The following TASP1 variants were observed in gnomAD, a reference collection of about 807,000 sequenced individuals.
The protein encoded by TASP1 is taspase 1.
TASP1 carries 16 observed loss-of-function variants against 56.6 expected under a neutral mutation model. The observed-to-expected ratio is 0.28, with a 90% CI of 0.19 to 0.43. TASP1 has a LOEUF of 0.43. TASP1 is among the 20% of genes least tolerant of loss of function. The pLI is 1.00. For synonymous variants in TASP1, 179 were observed against 184.2 expected (o/e 0.97, Z 0.23); for missense variants, 393 against 511.6 (o/e 0.77, Z 2.24).
the TASP1 span, among the ~76,000 whole-genome samples, chr20:13,315,599 T>C: frequency 6.6e-6 from 1 of 151,994 alleles, no homozygotes; most frequent in African/African-American, 2.4e-5. Context: ...CAGATTTCAA[T>C]ACCCCAACAT....
At chr20:13,134,044 G>C in the TASP1 span, among the ~76,000 whole-genome samples, 1 of 152,176 alleles carries the variant, frequency 6.6e-6, no homozygotes, top group Non-Finnish European at 1.5e-5. Context: ...ACACATTCAG[G>C]TGTGTCTGCC....
chr20:13,474,001 G>A (rs1435770816), intron 11 of TASP1, among the ~76,000 whole-genome samples: 3 of 152,176 alleles, frequency 2.0e-5, no homozygotes, highest in African/African-American at 4.8e-5. Flanking sequence ...TAGAGCCCAG[G>A]GGGGTTGTAA....
At chr20:13,527,248 C>T (rs759203117) in intron 10 of TASP1, among the ~76,000 whole-genome samples, 92 of 152,028 alleles carry the variant, frequency 6.1e-4, no homozygotes, top group Non-Finnish European at 1.2e-3. Flanking sequence ...CATCAGAGAT[C>T]GCAGAAAGAG....
At position 13,390,317 on chromosome 20, in the gene TASP1, G is replaced by A. The variant is rs1200229907; in HGVS notation, c.*43C>T. 1 of 1,567,346 alleles carries A rather than the reference G, an allele frequency of 6.4e-7. No individual in the cohort carries two copies. The highest frequency in any genetic ancestry group is 1.7e-5 in the Admixed American group (1 of 58,868). ...CAGTTAAAAACCCCCAAAAGCTCAGGTTCTGAAATGCCTCTGAGACGCTTC... is the reference window on the plus strand; with the variant it reads ...CAGTTAAAAACCCCCAAAAGCTCAGATTCTGAAATGCCTCTGAGACGCTTC... On this transcript the variant is annotated 3_prime_UTR_variant, in exon 14 of 14. Transcript: ENST00000337743.
the TASP1 span, among the ~76,000 whole-genome samples, chr20:13,347,664 C>A: frequency 6.6e-6 from 1 of 152,106 alleles, no homozygotes; most frequent in Non-Finnish European, 1.5e-5. Context: ...CAGGGTGAAA[C>A]CCCGTCTCTA....
the TASP1 span, chr20:13,299,371 C>T: frequency 5.0e-6 from 8 of 1,613,738 alleles, no homozygotes; most frequent in Non-Finnish European, 6.8e-6. The surrounding 1 kb of genome is among the most constrained non-coding windows in gnomAD (Gnocchi z 5.8). Context: ...TATAACGAGG[C>T]CCGGCCTCCC....
chr20:13,106,680 C>T, the TASP1 span, among the ~76,000 whole-genome samples: 2 of 152,182 alleles, frequency 1.3e-5, no homozygotes, highest in Non-Finnish European at 2.9e-5. Flanking sequence ...AAGTATTTCT[C>T]ACTGGAGGCT....
At chr20:13,623,015 C>A (rs906043708) in intron 4 of TASP1, among the ~76,000 whole-genome samples, 7 of 152,154 alleles carry the variant, frequency 4.6e-5, no homozygotes, top group African/African-American at 1.7e-4. Flanking sequence ...GCACACTTCA[C>A]AGCACACAAT....
chr20:13,200,461 T>C, the TASP1 span, among the ~76,000 whole-genome samples: 2 of 152,288 alleles, frequency 1.3e-5, no homozygotes, highest in African/African-American at 4.8e-5. Flanking sequence ...AAACCATCAC[T>C]GTAAACCTCC....
At chr20:13,164,589 T>G in the TASP1 span, 1 of 622,592 alleles carries the variant, frequency 1.6e-6, no homozygotes, top group South Asian at 2.0e-5. Context: ...TCTAGGGTCT[T>G]AAACCACAAC....
At chr20:13,172,245 T>A in the TASP1 span, among the ~76,000 whole-genome samples, 1 of 152,040 alleles carries the variant, frequency 6.6e-6, no homozygotes, top group African/African-American at 2.4e-5. Flanking sequence ...CTTCATAAAA[T>A]TTTTACTATC....
At position 13,533,955 on chromosome 20, in the gene TASP1, A is replaced by C. The variant is rs980818183; in HGVS notation, c.795+67T>G. The stretch of plus-strand genomic sequence containing the variant: ...AGAAAAAATGTTCCCACTGGTTAAA[A>C]AATTGTGAGCTAAAAATTCCATGCT... On this transcript the variant is annotated intron_variant, in intron 9 of 13. Coordinates refer to ENST00000337743, the MANE Select transcript of TASP1 (RefSeq NM_017714.3). 1.2e-5 allele frequency: 19 copies of C among 1,537,518 alleles called. No homozygotes were observed. The African/African-American group carries it at 2.6e-4, about 21-fold the overall frequency.
intron 12 of TASP1, among the ~76,000 whole-genome samples, chr20:13,419,526 G>A (rs552247505): frequency 7.2e-5 from 11 of 152,270 alleles, no homozygotes; most frequent in African/African-American, 9.6e-5. Flanking sequence ...CTGAGTTTTC[G>A]AAGGCATTTT....
At chr20:13,619,409 T>G (rs1277661844) in intron 4 of TASP1, among the ~76,000 whole-genome samples, 1 of 152,182 alleles carries the variant, frequency 6.6e-6, no homozygotes, top group East Asian at 1.9e-4. Context: ...AAACCAGGTC[T>G]TCATACTTTA....
intron 4 of TASP1, among the ~76,000 whole-genome samples, chr20:13,611,830 T>G (rs182753968): frequency 7.2e-4 from 109 of 152,322 alleles, no homozygotes; most frequent in African/African-American, 2.3e-3. Flanking sequence ...CAAGATAATT[T>G]AGAAGTCCAG....
intron 7 of TASP1, among the ~76,000 whole-genome samples, chr20:13,565,006 C>CA (rs758976806): frequency 0.02 from 1,215 of 61,582 alleles, 19 homozygotes; most frequent in East Asian, 0.092. Context: ...GACTCCATCT[C>CA]AAAAAAAAAA....
chr20:13,385,471 G>A (rs1486750547), downstream of TASP1, among the ~76,000 whole-genome samples: 2 of 152,262 alleles, frequency 1.3e-5, no homozygotes, highest in Admixed American at 6.5e-5. Context: ...GAAAATGGCT[G>A]AGCAGGTGCA....
chr20:13,159,900 G>GAAAAAA, the TASP1 span: 1 of 1,410,910 alleles, frequency 7.1e-7, no homozygotes, highest in Non-Finnish European at 9.4e-7. Flanking sequence ...AAAGAAAAAA[G>GAAAAAA]AAAAAAGAAA....
At chr20:13,382,185 T>A in the TASP1 span, among the ~76,000 whole-genome samples, 10 of 152,310 alleles carry the variant, frequency 6.6e-5, no homozygotes, top group African/African-American at 2.4e-4. Flanking sequence ...ATGGCCCAAA[T>A]GCCACAAACT....
Sources: allele counts gnomAD v4.1 joint callset (sites outside exome capture counted in the v4.1 genomes callset), GRCh38; gene constraint gnomAD v4.1.1; non-coding constraint Gnocchi (gnomAD v3.1); transcripts MANE v1.5; gene names NCBI Gene and HGNC (gene_info 2026-07-23, HGNC 2026-07-21).